The following SLC35F3 variants were observed in gnomAD, a reference collection of about 807,000 sequenced individuals.
SLC35F3 encodes the protein solute carrier family 35 member F3.
In SLC35F3, 25 loss-of-function variants were observed where a neutral mutation model predicts 49.9. That is an observed-to-expected ratio of 0.50 (90% CI 0.37 to 0.70). SLC35F3 has a LOEUF of 0.70. SLC35F3 is among the 30% of genes least tolerant of loss of function. SLC35F3 has a pLI of 0.00. For missense variants in SLC35F3, 525 were observed against 639.8 expected, an observed-to-expected ratio of 0.82 and a Z score of 1.94; for synonymous variants, 275 against 265.4, an observed-to-expected ratio of 1.04 and a Z score of -0.35.
chr1:234,323,568 A>G lies in SLC35F3; in HGVS notation c.*325A>G. 2.8e-6 allele frequency: 1 copy of G among 357,110 alleles called. No individual in the cohort carries two copies. The highest frequency in any genetic ancestry group is 3.9e-5 in the South Asian group (1 of 25,788). The allele number at this position is 357,110 out of a possible 1,614,324, so 22.1% of individuals were successfully genotyped here. A position where few individuals can be genotyped will look rare whatever the true frequency, so the allele number is the denominator to read the frequency against. On this transcript the variant is annotated 3_prime_UTR_variant, in exon 8 of 8. Coordinates refer to ENST00000366618, the MANE Select transcript of SLC35F3 (RefSeq NM_173508.4). The surrounding 1 kb of genome is among the most constrained non-coding windows in gnomAD (Gnocchi z 4.5). ...CATCAGGGCAAGTGTTTTGAATCTT[A>G]GCAAGTGTTTTGAATCTTAGCAACT...
chr1:234,168,757 G>A (rs1175493349), intron 2 of SLC35F3, among the ~76,000 whole-genome samples: 1 of 152,194 alleles, frequency 6.6e-6, no homozygotes, highest in Non-Finnish European at 1.5e-5. Flanking sequence ...TGGCTTTGCG[G>A]TCTCAGAAAC....
At chr1:234,123,943 T>A (rs1665611738) in intron 2 of SLC35F3, among the ~76,000 whole-genome samples, 1 of 152,154 alleles carries the variant, frequency 6.6e-6, no homozygotes, top group East Asian at 1.9e-4. Context: ...GTGATTTGAG[T>A]TAGCCAAGCA....
At chr1:233,968,756 A>G (rs1662942791) in intron 2 of SLC35F3, among the ~76,000 whole-genome samples, 1 of 152,156 alleles carries the variant, frequency 6.6e-6, no homozygotes, top group Non-Finnish European at 1.5e-5. Context: ...AAGTGCTGGT[A>G]TTATAGGCAT....
At chr1:234,246,451 G>A (rs1183492233) in intron 3 of SLC35F3, among the ~76,000 whole-genome samples, 1 of 152,132 alleles carries the variant, frequency 6.6e-6, no homozygotes, top group Non-Finnish European at 1.5e-5. Context: ...ATATCAACCT[G>A]GATAGAGAGG....
chr1:234,084,433 A>C (rs1304093003), intron 2 of SLC35F3, among the ~76,000 whole-genome samples: 1 of 152,258 alleles, frequency 6.6e-6, no homozygotes, highest in Admixed American at 6.5e-5. Flanking sequence ...CAGTCTGCAC[A>C]GTGAAAAACA....
At chr1:234,117,911 T>C (rs1228934603) in intron 2 of SLC35F3, among the ~76,000 whole-genome samples, 1 of 55,470 alleles carries the variant, frequency 1.8e-5, no homozygotes, top group Admixed American at 2.8e-4. Context: ...AAAGACTATA[T>C]ATGTGTGTGT....
At chr1:234,146,527 T>TG (rs1480075598) in intron 2 of SLC35F3, among the ~76,000 whole-genome samples, 1 of 141,036 alleles carries the variant, frequency 7.1e-6, no homozygotes, top group African/African-American at 2.7e-5. Context: ...GTTTCGCTCT[T>TG]GTTGCCCAGG....
At position 234,324,036 on chromosome 1, in the gene SLC35F3, G is replaced by GTA. The variant is rs1657697370; in HGVS notation, c.*795_*796dup. 1 of 152,272 alleles carries GTA rather than the reference G, an allele frequency of 6.6e-6. No individual in the cohort carries two copies. Among genetic ancestry groups the GTA allele is most frequent in the Non-Finnish European group, 1.5e-5 (1 of 68,078 alleles). The allele number at this position is 152,272 out of a possible 1,614,324, so 9.4% of individuals were successfully genotyped here. On this transcript the variant is annotated 3_prime_UTR_variant, in exon 8 of 8. Transcript: ENST00000366618. ...AACAAATAAAACTCTCTATATATGT[G>GTA]TATGTCTGTGTACAAAAAAATGACA...
intron 2 of SLC35F3, among the ~76,000 whole-genome samples, chr1:234,164,971 A>C (rs1666291237): frequency 6.6e-6 from 1 of 151,410 alleles, no homozygotes; most frequent in African/African-American, 2.4e-5. Context: ...AACATGCTAT[A>C]GTTGGGACTG....
chr1:234,130,873 A>G (rs772862299), intron 2 of SLC35F3, among the ~76,000 whole-genome samples: 1 of 152,242 alleles, frequency 6.6e-6, no homozygotes, highest in Non-Finnish European at 1.5e-5. Context: ...TAGGTACAAA[A>G]TGCATTAGTC....
Position 234,124,398 on chromosome 1 carries a change from A to G in SLC35F3, c.284-107019A>G, listed in dbSNP as rs553219860. Among the ~76,000 whole-genome samples the G allele has an allele frequency of 2.6e-5, 4 of 152,350 alleles. No individual in the cohort carries two copies. The South Asian group carries it at 8.3e-4, about 32-fold the overall frequency. ...TTTCAAAGGTGAATAGAGAAGATTT[A>G]GGGAGAAACTGTCAAGTCTGACTTT... On this transcript the variant is annotated intron_variant, in intron 2 of 7. Coordinates refer to ENST00000366618, the MANE Select transcript of SLC35F3 (RefSeq NM_173508.4).
chr1:234,201,457 A>C (rs1024109497), intron 2 of SLC35F3, among the ~76,000 whole-genome samples: 1 of 152,226 alleles, frequency 6.6e-6, no homozygotes, highest in African/African-American at 2.4e-5. Context: ...CCATGGTTAC[A>C]TGTGCCTTAA....
At chr1:234,101,964 A>T (rs1665221486) in intron 2 of SLC35F3, among the ~76,000 whole-genome samples, 1 of 152,194 alleles carries the variant, frequency 6.6e-6, no homozygotes, top group Admixed American at 6.5e-5. Context: ...AGATTAGAGG[A>T]TTCCCATTCC....
intron 2 of SLC35F3, among the ~76,000 whole-genome samples, chr1:234,122,499 C>T (rs545271298): frequency 3.3e-5 from 5 of 152,192 alleles, no homozygotes; most frequent in African/African-American, 1.2e-4. Flanking sequence ...ATGTGTAGAA[C>T]GTGCAGGTGT....
chr1:233,979,728 C>T (rs761490393), intron 2 of SLC35F3, among the ~76,000 whole-genome samples: 6 of 152,182 alleles, frequency 3.9e-5, no homozygotes, highest in Non-Finnish European at 8.8e-5. Context: ...ACTGGGGCCA[C>T]CTGCTTCTGT....
Position 234,163,190 on chromosome 1 carries a change from G to GT in SLC35F3, c.284-68221dup, listed in dbSNP as rs1356727411. Among the ~76,000 whole-genome samples the GT allele has an allele frequency of 4.6e-5, 7 of 152,146 alleles. No individual in the cohort carries two copies. The South Asian group carries it at 1.0e-3, about 23-fold the overall frequency. On this transcript the variant is annotated intron_variant, in intron 2 of 7. Transcript: ENST00000366618. ...AAATTTTGAACTTTCATCAGTTTTGGTTTTTTCTTGCAGTATTTGGTATTT... is the reference window on the plus strand; with the variant it reads ...AAATTTTGAACTTTCATCAGTTTTGGTTTTTTTCTTGCAGTATTTGGTATTT...
intron 2 of SLC35F3, among the ~76,000 whole-genome samples, chr1:233,928,929 T>A (rs1346053685): frequency 9.0e-6 from 1 of 110,552 alleles, no homozygotes; most frequent in Non-Finnish European, 1.9e-5. Context: ...TGTACAAGTC[T>A]GATTTGTCAA....
At chr1:234,164,548 G>A (rs765549119) in intron 2 of SLC35F3, among the ~76,000 whole-genome samples, 6 of 152,054 alleles carry the variant, frequency 3.9e-5, no homozygotes, top group Admixed American at 1.3e-4. Context: ...TTGGAAGGGC[G>A]GCCACGTGGC....
chr1:234,294,977 C>T (rs1668569745), intron 3 of SLC35F3, among the ~76,000 whole-genome samples: 2 of 152,174 alleles, frequency 1.3e-5, no homozygotes, highest in Non-Finnish European at 2.9e-5. Flanking sequence ...GAGACAGCAG[C>T]AAGGGGATAT....
Sources: allele counts gnomAD v4.1 joint callset (sites outside exome capture counted in the v4.1 genomes callset), GRCh38; gene constraint gnomAD v4.1.1; non-coding constraint Gnocchi (gnomAD v3.1); transcripts MANE v1.5; gene names NCBI Gene and HGNC (gene_info 2026-07-23, HGNC 2026-07-21).